TOX: variants seen among roughly 807,000 people sequenced by gnomAD.
TOX encodes thymocyte selection-associated high mobility group box protein TOX.
Under a neutral mutation model 53.7 loss-of-function variants are expected in TOX, and 11 were observed. The ratio of observed to expected loss-of-function variants is 0.20; its 90% CI spans 0.13 to 0.34. The LOEUF (loss-of-function observed/expected upper bound fraction) is 0.34, where lower values mean the gene tolerates loss of function less well. TOX is among the 10% of genes least tolerant of loss of function. TOX has a pLI of 1.00. For missense variants in TOX, 570 were observed against 664.6 expected (o/e 0.86, Z 1.56); for synonymous variants, 225 against 245.3 (o/e 0.92, Z 0.77).
intron 1 of TOX, among the ~76,000 whole-genome samples, chr8:59,016,399 C>T (rs2129419085): frequency 6.6e-6 from 1 of 152,212 alleles, no homozygotes; most frequent in South Asian, 2.1e-4. Flanking sequence ...AATTGTGACT[C>T]ATTAATCTGG....
intron 1 of TOX, among the ~76,000 whole-genome samples, chr8:58,960,316 C>T (rs916388922): frequency 6.6e-6 from 1 of 152,136 alleles, no homozygotes; most frequent in Non-Finnish European, 1.5e-5. Flanking sequence ...GCTCATTTTG[C>T]ACGCCATGTA....
chr8:58,863,808 A>T (rs1811050476), intron 3 of TOX, among the ~76,000 whole-genome samples: 1 of 152,142 alleles, frequency 6.6e-6, no homozygotes, highest in Admixed American at 6.6e-5. Context: ...AGATGAGACT[A>T]TCCCTGTACT....
chr8:58,825,400 C>T (rs544050487), intron 6 of TOX, among the ~76,000 whole-genome samples: 1 of 152,302 alleles, frequency 6.6e-6, no homozygotes, highest in South Asian at 2.1e-4. Flanking sequence ...AATTGCCGTA[C>T]ACTGCGGGTT....
In TOX at chr8:58,982,024, C is replaced by T. The variant is rs142261596; in HGVS notation, c.103-22016G>A. On this transcript the variant is annotated intron_variant, in intron 1 of 8. Coordinates refer to ENST00000361421, the MANE Select transcript of TOX (RefSeq NM_014729.3). ...GCTCTTCTCTGTACTCAACCACCCA[C>T]TGAAGTTACTAATTTCTCTCTCTCC... Among the ~76,000 whole-genome samples the T allele has an allele frequency of 7.9e-5, 12 of 152,294 alleles. No homozygotes were observed. The East Asian group carries it at 2.3e-3, about 29-fold the overall frequency.
intron 6 of TOX, among the ~76,000 whole-genome samples, chr8:58,825,690 A>G (rs1810354287): frequency 6.6e-6 from 1 of 152,214 alleles, no homozygotes; most frequent in South Asian, 2.1e-4. Context: ...TGGCATAATT[A>G]TCTGTTAACA....
intron 1 of TOX, among the ~76,000 whole-genome samples, chr8:59,060,351 G>A (rs1356343749): frequency 6.6e-6 from 1 of 152,156 alleles, no homozygotes; most frequent in Non-Finnish European, 1.5e-5. Flanking sequence ...TTTATGGCTG[G>A]GCGCAGTGGC....
intron 2 of TOX, among the ~76,000 whole-genome samples, chr8:58,951,922 ATT>A (rs927650909): frequency 6.6e-6 from 1 of 152,240 alleles, no homozygotes; most frequent in African/African-American, 2.4e-5. Context: ...TTATAGTTAC[ATT>A]TTTAAACACT....
intron 1 of TOX, among the ~76,000 whole-genome samples, chr8:59,102,544 A>G (rs1256902040): frequency 2.6e-5 from 4 of 152,062 alleles, no homozygotes; most frequent in Non-Finnish European, 5.9e-5. Context: ...TCCCGTTTTT[A>G]AAACCATCAG....
intron 1 of TOX, among the ~76,000 whole-genome samples, chr8:59,027,390 T>C (rs1814264586): frequency 6.6e-6 from 1 of 152,174 alleles, no homozygotes; most frequent in African/African-American, 2.4e-5. Flanking sequence ...ATTTTTGCAA[T>C]TTATTGTCTT....
intron 3 of TOX, among the ~76,000 whole-genome samples, chr8:58,885,205 TTC>T (rs1353603301): frequency 2.6e-5 from 4 of 152,134 alleles, no homozygotes. Context: ...AAAATTTATA[TTC>T]TCTATCATTC....
chr8:59,074,791 C>T (rs1331272110), intron 1 of TOX, among the ~76,000 whole-genome samples: 11 of 152,110 alleles, frequency 7.2e-5, no homozygotes, highest in Admixed American at 7.2e-4. Flanking sequence ...GTGGAAAAGA[C>T]AAAGACAAGA....
intron 1 of TOX, among the ~76,000 whole-genome samples, chr8:59,026,019 G>T (rs12547374): frequency 0.28 from 42,243 of 152,136 alleles, 6,802 homozygotes; most frequent in Non-Finnish European, 0.37. Context: ...TTATCGAGGT[G>T]CAAGTTTCAA....
intron 5 of TOX, among the ~76,000 whole-genome samples, chr8:58,833,310 G>A (rs185092106): frequency 1.3e-5 from 2 of 152,266 alleles, no homozygotes; most frequent in South Asian, 2.1e-4. Context: ...CTTAAGAGCC[G>A]GCTTGCCGTG....
At chr8:58,880,674 T>C (rs538414614) in intron 3 of TOX, among the ~76,000 whole-genome samples, 31 of 152,178 alleles carry the variant, frequency 2.0e-4, no homozygotes, top group African/African-American at 6.5e-4. Context: ...CCTGAGATGA[T>C]GAAGTTGCTC....
chr8:58,809,444 T>C (rs1409147557), intron 7 of TOX, among the ~76,000 whole-genome samples: 1 of 152,238 alleles, frequency 6.6e-6, no homozygotes, highest in Non-Finnish European at 1.5e-5. Flanking sequence ...TTCTCATTTC[T>C]CATTATTCAG....
intron 3 of TOX, among the ~76,000 whole-genome samples, chr8:58,900,658 G>A (rs1039531587): frequency 6.6e-6 from 1 of 152,048 alleles, no homozygotes; most frequent in Non-Finnish European, 1.5e-5. Context: ...CATGTCATGT[G>A]AGTGTATTTC....
intron 1 of TOX, among the ~76,000 whole-genome samples, chr8:59,036,329 T>C (rs1814458243): frequency 6.6e-6 from 1 of 152,150 alleles, no homozygotes. Context: ...TTGCCAGAGA[T>C]GGACTGCAGA....
At chr8:58,988,689 T>C (rs1813383869) in intron 1 of TOX, among the ~76,000 whole-genome samples, 1 of 152,154 alleles carries the variant, frequency 6.6e-6, no homozygotes, top group South Asian at 2.1e-4. Context: ...CTGGAAATAA[T>C]AATGTAATAA....
chr8:58,914,544 AG>A, intron 3 of TOX, among the ~76,000 whole-genome samples: 1 of 152,154 alleles, frequency 6.6e-6, no homozygotes, highest in Non-Finnish European at 1.5e-5. Context: ...TGTCACAGCT[AG>A]GGGGTGGGGG....
Sources: allele counts gnomAD v4.1 joint callset (sites outside exome capture counted in the v4.1 genomes callset), GRCh38; gene constraint gnomAD v4.1.1; transcripts MANE v1.5; gene names NCBI Gene and HGNC (gene_info 2026-07-23, HGNC 2026-07-21).